CSGALNACT2: variants seen among roughly 807,000 people sequenced by gnomAD.
CSGALNACT2 encodes chondroitin sulfate N-acetylgalactosaminyltransferase 2, also known as beta 4 GalNAcT-2.
In CSGALNACT2, 35 loss-of-function variants were observed where a neutral mutation model predicts 55.3. That is an observed-to-expected ratio of 0.63 (90% CI 0.48 to 0.84). The LOEUF (loss-of-function observed/expected upper bound fraction) is 0.84, where lower values mean the gene tolerates loss of function less well. CSGALNACT2 is among the 40% of genes least tolerant of loss of function. The pLI is 0.00. For synonymous variants in CSGALNACT2, 196 were observed against 224.9 expected (o/e 0.87, Z 1.15); for missense variants, 544 against 657.5 (o/e 0.83, Z 1.89).
chr10:43,145,246 G>T (rs553387022), intron 1 of CSGALNACT2, among the ~76,000 whole-genome samples: 5 of 152,298 alleles, frequency 3.3e-5, no homozygotes, highest in Admixed American at 3.3e-4. Flanking sequence ...CCAAAGGAAT[G>T]CAAGTGGAAG....
At chr10:43,153,499 CAA>C (rs917391931) in intron 1 of CSGALNACT2, among the ~76,000 whole-genome samples, 9 of 137,956 alleles carry the variant, frequency 6.5e-5, no homozygotes, top group African/African-American at 1.1e-4. Context: ...GACATGTTAC[CAA>C]AAAAAAAAAA....
At chr10:43,173,384 G>GTA (rs1470399226) in intron 6 of CSGALNACT2, among the ~76,000 whole-genome samples, 1 of 152,180 alleles carries the variant, frequency 6.6e-6, no homozygotes, top group Non-Finnish European at 1.5e-5. Context: ...CAAGGCTTGG[G>GTA]TATATAGGTT....
intron 6 of CSGALNACT2, among the ~76,000 whole-genome samples, chr10:43,174,747 A>G (rs1259993663): frequency 6.6e-6 from 1 of 152,176 alleles, no homozygotes; most frequent in Non-Finnish European, 1.5e-5. Context: ...TTTTCTTTGT[A>G]GCATGTATCA....
intron 6 of CSGALNACT2, among the ~76,000 whole-genome samples, chr10:43,173,278 A>G (rs776600156): frequency 2.0e-5 from 3 of 152,340 alleles, no homozygotes; most frequent in East Asian, 1.9e-4. Flanking sequence ...TTGGGATTCA[A>G]CTGGAGCCAT....
chr10:43,152,718 T>C lies in CSGALNACT2; in HGVS notation c.-253-2179T>C, dbSNP rs573954966. On this transcript the variant is annotated intron_variant, in intron 1 of 7. Transcript: ENST00000374466. ...GATAGTGGTAGTTCTGTTACCCAGT[T>C]TCACTTCAGTTTTGAGTATAACATG... 4.6e-5 allele frequency among the ~76,000 whole-genome samples: 7 copies of C among 152,330 alleles called. No individual in the cohort carries two copies. In the East Asian group the frequency reaches 1.3e-3, roughly 29 times the overall value.
At chr10:43,177,271 G>A (rs1339616681) in intron 7 of CSGALNACT2, among the ~76,000 whole-genome samples, 1 of 151,902 alleles carries the variant, frequency 6.6e-6, no homozygotes, top group Non-Finnish European at 1.5e-5. Flanking sequence ...TCTTTTTTAT[G>A]ACAATTTTAT....
chr10:43,160,412 G>T, intron 3 of CSGALNACT2, 82 bp from the exon 4 acceptor site: 2 of 723,018 alleles, frequency 2.8e-6, no homozygotes, highest in South Asian at 3.3e-5. Flanking sequence ...TCATTTTCTT[G>T]TTAAAGCTTC....
At chr10:43,153,204 C>T (rs951072769) in intron 1 of CSGALNACT2, among the ~76,000 whole-genome samples, 1 of 151,588 alleles carries the variant, frequency 6.6e-6, no homozygotes, top group Non-Finnish European at 1.5e-5. Context: ...GCGTGGTGGC[C>T]GGCGCTTGTA....
chr10:43,158,671 AACTTTGAC>A, intron 2 of CSGALNACT2, 36 bp from the exon 3 acceptor site: 1 of 1,155,628 alleles, frequency 8.7e-7, no homozygotes, highest in Non-Finnish European at 1.3e-6. Flanking sequence ...TGAATTTGTA[AACTTTGAC>A]ATGGAGACGT....
At chr10:43,179,918 A>G (rs924596365) in intron 7 of CSGALNACT2, among the ~76,000 whole-genome samples, 1 of 152,224 alleles carries the variant, frequency 6.6e-6, no homozygotes, top group Non-Finnish European at 1.5e-5. Context: ...TATTTTAAAT[A>G]AAGTCAGTTC....
intron 6 of CSGALNACT2, among the ~76,000 whole-genome samples, chr10:43,167,967 A>G (rs1004361083): frequency 5.4e-5 from 7 of 128,654 alleles, no homozygotes; most frequent in African/African-American, 2.1e-4. Flanking sequence ...GCTTATGTTT[A>G]TGTACAAAAA....
intron 4 of CSGALNACT2, chr10:43,163,177 C>T (rs989019860): frequency 6.1e-6 from 6 of 985,098 alleles, no homozygotes; most frequent in Admixed American, 1.2e-4. Context: ...GCATAACTCA[C>T]GTTCCACTTC....
intron 7 of CSGALNACT2, among the ~76,000 whole-genome samples, chr10:43,176,597 G>A (rs528972978): frequency 1.1e-4 from 16 of 152,260 alleles, no homozygotes; most frequent in African/African-American, 3.6e-4. Context: ...TATCCTGCAT[G>A]CTCTGTTGTC....
chr10:43,148,002 G>T (rs7913547), intron 1 of CSGALNACT2, among the ~76,000 whole-genome samples: 2,797 of 152,038 alleles, frequency 0.018, 84 homozygotes, highest in African/African-American at 0.063. Flanking sequence ...CATAGGTTTT[G>T]TTCTAAGAGT....
chr10:43,179,464 C>T (rs552977819), intron 7 of CSGALNACT2, among the ~76,000 whole-genome samples: 12 of 152,058 alleles, frequency 7.9e-5, no homozygotes, highest in East Asian at 1.9e-4. Flanking sequence ...CCTCCTTCCC[C>T]GACCTTTTGG....
intron 1 of CSGALNACT2, among the ~76,000 whole-genome samples, 167 bp downstream of exon 1, chr10:43,138,734 C>A (rs569980076): frequency 6.6e-6 from 1 of 152,234 alleles, no homozygotes; most frequent in East Asian, 1.9e-4. Flanking sequence ...CCGGAGTCGG[C>A]ACCGGTTTTA....
At chr10:43,162,782 T>G (rs1417187849) in intron 4 of CSGALNACT2, 5 of 899,086 alleles carry the variant, frequency 5.6e-6, no homozygotes, top group Non-Finnish European at 6.7e-6. Context: ...AGCATCTGAT[T>G]CAGTGGGTCT....
chr10:43,141,769 CAG>C (rs1838631580), intron 1 of CSGALNACT2, among the ~76,000 whole-genome samples: 1 of 151,350 alleles, frequency 6.6e-6, no homozygotes, highest in East Asian at 1.9e-4. Context: ...ACAGAGATAA[CAG>C]AGATCGCGAA....
chr10:43,157,232 G>A (rs1042829309), intron 2 of CSGALNACT2, among the ~76,000 whole-genome samples: 2 of 152,196 alleles, frequency 1.3e-5, no homozygotes, highest in African/African-American at 4.8e-5. Context: ...TGTGTAAAAT[G>A]TCCTCACATC....
Sources: gnomAD v4.1 joint callset for allele counts (sites outside exome capture counted in the v4.1 genomes callset) on GRCh38, gnomAD v4.1.1 for gene constraint, MANE v1.5 for transcripts, NCBI Gene and HGNC (gene_info 2026-07-23, HGNC 2026-07-21) for gene names.